MYO1C: variants seen among roughly 807,000 people sequenced by gnomAD.
MYO1C encodes the protein myosin IC.
A neutral mutation model predicts 150.8 loss-of-function variants in MYO1C; 104 were observed. The observed-to-expected ratio is 0.69, with a 90% CI of 0.59 to 0.81. The LOEUF (loss-of-function observed/expected upper bound fraction) is 0.81. MYO1C is among the 30% of genes least tolerant of loss of function. The pLI is 0.00. For synonymous variants in MYO1C, 663 were observed against 579.9 expected, an observed-to-expected ratio of 1.14 and a Z score of -2.06; for missense variants, 1,504 against 1,435.0, an observed-to-expected ratio of 1.05 and a Z score of -0.78.
rs555288657 is a variant in MYO1C, at chr17:1,464,610, G to A, written c.*1116C>T. ...AGTGGCAGTGAGGCACGCTGAGGAAGGGCTGCCATCTTGGTTTTGTGGCAA... is the reference window on the plus strand; with the variant it reads ...AGTGGCAGTGAGGCACGCTGAGGAAAGGCTGCCATCTTGGTTTTGTGGCAA... On this transcript the variant is annotated 3_prime_UTR_variant, in exon 32 of 32. Transcript: ENST00000648651. 1 of 152,848 alleles carries A rather than the reference G, an allele frequency of 6.5e-6. No individual in the cohort carries two copies. Among genetic ancestry groups the A allele is most frequent in the East Asian group, 1.9e-4 (1 of 5,196 alleles). 9.5% of individuals were successfully genotyped at this position (152,848 alleles called of 1,614,324 possible). A position where few individuals can be genotyped will look rare whatever the true frequency, so the allele number is the denominator to read the frequency against.
In MYO1C at chr17:1,473,872, G is replaced by A. The variant is rs73976227; in HGVS notation, c.1797+738C>T. On this transcript the variant is annotated intron_variant, in intron 17 of 31. Coordinates refer to ENST00000648651, the MANE Select transcript of MYO1C (RefSeq NM_001080779.2). ...CTCACCCCTTCCGCCCCGTCAGGCC[G>A]TTTGCTGTTCCCTCTTCTAAGTTTG... 3.1e-3 allele frequency among the ~76,000 whole-genome samples: 479 copies of A among 152,134 alleles called. 2 individuals carry two copies. Among genetic ancestry groups the A allele is most frequent in the African/African-American group, 0.011 (461 of 41,504 alleles).
In MYO1C at chr17:1,478,572, G is replaced by A. The variant is rs771923916; in HGVS notation, c.1212+44C>T. ...CTGCAGCACCCCCCGCCTCGCCGAC[G>A]GCCCTCCCTTCTGCCTTGGGAGCAG... On this transcript the variant is annotated intron_variant, in intron 10 of 31. Transcript: ENST00000648651. The surrounding 1 kb of genome is among the most constrained non-coding windows in gnomAD (Gnocchi z 6.3). 8.1e-6 allele frequency: 13 copies of A among 1,613,710 alleles called. No individual in the cohort carries two copies. Among genetic ancestry groups the A allele is most frequent in the South Asian group, 2.2e-5 (2 of 91,074 alleles).
At position 1,483,743 on chromosome 17, in the gene MYO1C, G is replaced by C. The variant is rs772423281; in HGVS notation, c.232-18C>G. On this transcript the variant is annotated intron_variant, in intron 2 of 31. Transcript: ENST00000648651. ...ATGTAGGTCTGGGATCGGGGGAAGAGGGTCCAAAGTTTATCCCGGGCCAGG... is the reference window on the plus strand; with the variant it reads ...ATGTAGGTCTGGGATCGGGGGAAGACGGTCCAAAGTTTATCCCGGGCCAGG... 6.3e-7 allele frequency: 1 copy of C among 1,584,198 alleles called. No individual in the cohort carries two copies. Among genetic ancestry groups the C allele is most frequent in the South Asian group, 1.1e-5 (1 of 88,304 alleles).
rs1393236015 is a variant in MYO1C at position 1,471,284 on chromosome 17, C to G, written c.2074G>C (p.Asp692His). ...TGTCGGACCAGCACAGCCACCCCAT[C>G]CTGCGGCCGTCCTGCCCACGTGGGC... ...TWPTWAGRPQ[D>H]GVAVLVRHLG... The change falls in exon 20 of 32, where the codon GAT becomes CAT. Residue 692 changes from aspartate to histidine, a missense_variant. Coordinates refer to ENST00000648651, the MANE Select transcript of MYO1C (RefSeq NM_001080779.2). 8 of 1,613,898 alleles carry G rather than the reference C, an allele frequency of 5.0e-6. No individual in the cohort carries two copies. Among genetic ancestry groups the G allele is most frequent in the Non-Finnish European group, 6.8e-6 (8 of 1,180,006 alleles).
chr17:1,475,771 T>C (rs1188888079), intron 14 of MYO1C, among the ~76,000 whole-genome samples: 1 of 152,114 alleles, frequency 6.6e-6, no homozygotes, highest in South Asian at 2.1e-4. Flanking sequence ...ACGGAGATGT[T>C]TGTGGCAGCC....
At chr17:1,474,780 C>A (rs777652714) in intron 16 of MYO1C, 32 bp downstream of exon 16, 4 of 1,600,340 alleles carry the variant, frequency 2.5e-6, no homozygotes, top group South Asian at 1.1e-5. Flanking sequence ...GCTATCCCCA[C>A]CCCCACCCCG....
Position 1,478,067 on chromosome 17 carries a change from G to A in MYO1C, c.1401+20C>T. 1 of 1,613,292 alleles carries A rather than the reference G, an allele frequency of 6.2e-7. No homozygotes were observed. Among genetic ancestry groups the A allele is most frequent in the Non-Finnish European group, 8.5e-7 (1 of 1,179,370 alleles). Reference sequence around the variant, plus strand: ...AGGCTCCCCGTGGCCCACGGAGAGTGCCCCCAGGCTAGCACACACCGCGAT... The same window carrying A: ...AGGCTCCCCGTGGCCCACGGAGAGTACCCCCAGGCTAGCACACACCGCGAT... On this transcript the variant is annotated intron_variant, in intron 12 of 31. Transcript: ENST00000648651. This position sits in a 1 kb window ranked among gnomAD's most constrained non-coding sequence, Gnocchi z 6.3.
In MYO1C at chr17:1,474,935, C is replaced by T. The variant is rs2074374553; in HGVS notation, c.1669+3G>A. 1 of 1,602,644 alleles carries T rather than the reference C, an allele frequency of 6.2e-7. No homozygotes were observed. The highest frequency in any genetic ancestry group is 1.7e-5 in the Admixed American group (1 of 58,036). ...TGTGGGGACACAGCCCCAGGATCCT[C>T]ACCGGTCACGCTGTAGGTCACCTCC... On this transcript the variant is annotated splice_donor_region_variant and intron_variant, in intron 15 of 31. Coordinates refer to ENST00000648651, the MANE Select transcript of MYO1C (RefSeq NM_001080779.2).
chr17:1,488,505 C>G (rs1310647008), intron 1 of MYO1C, among the ~76,000 whole-genome samples: 1 of 152,250 alleles, frequency 6.6e-6, no homozygotes, highest in Non-Finnish European at 1.5e-5. Context: ...TTCAGTGACG[C>G]CAGCCAAGCC....
chr17:1,474,475 GC>G lies in MYO1C; in HGVS notation c.1797+134del. 2.1e-5 allele frequency: 17 copies of G among 806,136 alleles called. No individual in the cohort carries two copies. In the South Asian group the frequency reaches 2.3e-4, roughly 11 times the overall value. The allele number at this position is 806,136 out of a possible 1,614,324, so 49.9% of individuals were successfully genotyped here. On this transcript the variant is annotated intron_variant, in intron 17 of 31. Transcript: ENST00000648651. Reference sequence around the variant, plus strand: ...AGTAGGCAAAGAGGCACCTAAGGCAGCCCCCTACAGACACCTGCAGATGTGC... The same window carrying G: ...AGTAGGCAAAGAGGCACCTAAGGCAGCCCCTACAGACACCTGCAGATGTGC...
intron 24 of MYO1C, 59 bp from the exon 25 acceptor site, chr17:1,469,673 A>G (rs1383997112): frequency 2.2e-6 from 3 of 1,347,206 alleles, no homozygotes; most frequent in Non-Finnish European, 3.1e-6. Context: ...CTCTGAAGAC[A>G]TCGAACATAT....
Position 1,483,475 on chromosome 17 carries a change from G to C in MYO1C, c.347+135C>G, listed in dbSNP as rs964856730. On this transcript the variant is annotated intron_variant, in intron 3 of 31. Transcript: ENST00000648651. ...TGCGACATTCATCTCTGGTCACTGG[G>C]GGGCAAGAGACTGTGGGATTCCTCA... The C allele has an allele frequency of 1.0e-5, 7 of 685,428 alleles. No homozygotes were observed. In the Admixed American group the frequency reaches 1.1e-4, roughly 11 times the overall value. 42.5% of individuals were successfully genotyped at this position (685,428 alleles called of 1,614,324 possible).
intron 14 of MYO1C, among the ~76,000 whole-genome samples, chr17:1,476,052 G>A (rs567538537): frequency 5.3e-5 from 8 of 152,284 alleles, no homozygotes; most frequent in South Asian, 2.1e-4. Context: ...TGGCTTTTGC[G>A]CACATTCCAA....
At chr17:1,473,458 GGA>G (rs947311470) in intron 17 of MYO1C, among the ~76,000 whole-genome samples, 9 of 152,176 alleles carry the variant, frequency 5.9e-5, no homozygotes, top group African/African-American at 1.9e-4. Flanking sequence ...TGGTGCTTCG[GGA>G]GAGGGTGGGG....
rs368437001 is a variant in MYO1C at position 1,467,432 on chromosome 17, GCC to G, written c.3065+46_3065+47del. The G allele has an allele frequency of 5.8e-4, 929 of 1,601,658 alleles. 19 individuals carry two copies. In the East Asian group the frequency reaches 0.016, roughly 28 times the overall value. ...CACCCTGTCCCTGGGTGCCCACACA[GCC>G]CCCTCGCCACCCCCGCCCTGTCCCC... On this transcript the variant is annotated intron_variant, in intron 30 of 31. Transcript: ENST00000648651.
chr17:1,470,848 GA>G, intron 21 of MYO1C, 159 bp from the exon 22 acceptor site: 1 of 724,154 alleles, frequency 1.4e-6, no homozygotes, highest in Non-Finnish European at 2.2e-6. Context: ...GGACTGCCCG[GA>G]AAAGGGGGGC....
Position 1,470,455 on chromosome 17 carries a change from C to T in MYO1C, c.2346G>A (p.Trp782Ter). 6.4e-7 allele frequency: 1 copy of T among 1,550,838 alleles called. No homozygotes were observed. Among genetic ancestry groups the T allele is most frequent in the Non-Finnish European group, 8.7e-7 (1 of 1,147,128 alleles). The change falls in exon 23 of 32, where the codon TGG becomes TGA. Residue 782 changes from tryptophan (W) to a stop codon, truncating the protein, a stop_gained. Transcript: ENST00000648651. LOFTEE classifies it high-confidence loss of function. ...LGRRKAAKRK[W>*]AAQTIRRLIR... ...CTCACCGCCGGATGGTCTGTGCCGCCCACTTCCTCTTGGCTGCCTTCCTCC... is the reference window on the plus strand; with the variant it reads ...CTCACCGCCGGATGGTCTGTGCCGCTCACTTCCTCTTGGCTGCCTTCCTCC...
intron 16 of MYO1C, 48 bp downstream of exon 16, chr17:1,474,764 C>T: frequency 6.2e-7 from 1 of 1,612,088 alleles, no homozygotes; most frequent in Non-Finnish European, 8.5e-7. Flanking sequence ...AGGTGCAGAG[C>T]TGTGGGCTAT....
At position 1,491,267 on chromosome 17, in the gene MYO1C, G is replaced by C. The variant is rs923707249; in HGVS notation, c.75+1146C>G. On this transcript the variant is annotated intron_variant, in intron 1 of 31. Transcript: ENST00000648651. Reference sequence around the variant, plus strand: ...GCGCTGGGCCCCAGGGGCGGAGAACGGGAAGGGGCGGGTTTAGGCGGCTTC... The same window carrying C: ...GCGCTGGGCCCCAGGGGCGGAGAACCGGAAGGGGCGGGTTTAGGCGGCTTC... The C allele has an allele frequency of 2.6e-4, 40 of 152,406 alleles. 1 individual carries two copies. Among genetic ancestry groups the C allele is most frequent in the Admixed American group, 2.4e-3 (37 of 15,296 alleles). The allele number at this position is 152,406 out of a possible 1,614,324, so 9.4% of individuals were successfully genotyped here. A position where few individuals can be genotyped will look rare whatever the true frequency, so the allele number is the denominator to read the frequency against.
Sources: gnomAD v4.1 joint callset for allele counts (sites outside exome capture counted in the v4.1 genomes callset) on GRCh38, gnomAD v4.1.1 for gene constraint, Gnocchi (gnomAD v3.1) non-coding constraint, MANE v1.5 for transcripts, NCBI Gene and HGNC (gene_info 2026-07-23, HGNC 2026-07-21) for gene names.